Variants in RAPGEF1 observed in about 807,000 individuals in gnomAD.
RAPGEF1 encodes CRK SH3-binding GNRP.
RAPGEF1 carries 33 observed loss-of-function variants against 143.3 expected under a neutral mutation model. The observed-to-expected ratio is 0.23, with a 90% CI of 0.17 to 0.31. The LOEUF (loss-of-function observed/expected upper bound fraction) is 0.31, where lower values mean the gene tolerates loss of function less well. Among genes scored for constraint, RAPGEF1 ranks in the 10% least tolerant of loss-of-function variants. The probability of loss-of-function intolerance (pLI) is 1.00; values close to 1 mark genes in which losing one functional copy is unlikely to be tolerated. For synonymous variants in RAPGEF1, 629 were observed against 676.5 expected, an observed-to-expected ratio of 0.93 and a Z score of 1.09; for missense variants, 1,199 against 1,645.4, an observed-to-expected ratio of 0.73 and a Z score of 4.69.
rs1832694569 is a variant in RAPGEF1 at position 131,679,093 on chromosome 9, C to G, written c.62-28144G>C. 2.0e-5 allele frequency among the ~76,000 whole-genome samples: 3 copies of G among 151,394 alleles called. No homozygotes were observed. The South Asian group carries it at 6.3e-4, about 32-fold the overall frequency. ...GTGGGGGGAAATGATGAGGAGAATC[C>G]TAGGACAAATATGGCCCTAGGGTGC... On this transcript the variant is annotated intron_variant, in intron 1 of 26. Coordinates refer to ENST00000683357, the MANE Select transcript of RAPGEF1 (RefSeq NM_001377935.1).
At chr9:131,604,823 G>T in intron 13 of RAPGEF1, 108 bp downstream of exon 13, 1 of 1,202,278 alleles carries the variant, frequency 8.3e-7, no homozygotes, top group Non-Finnish European at 1.1e-6. Context: ...TAGTAAAGGG[G>T]AGGCAGTGTC....
chr9:131,608,720 C>A (rs563845198), intron 12 of RAPGEF1, among the ~76,000 whole-genome samples: 1 of 152,306 alleles, frequency 6.6e-6, no homozygotes, highest in Non-Finnish European at 1.5e-5. Flanking sequence ...ACAGGGAAAA[C>A]CTTCTGATCA....
intron 5 of RAPGEF1, 119 bp from the exon 6 acceptor site, chr9:131,630,443 C>A: frequency 1.1e-6 from 1 of 909,878 alleles, no homozygotes. Flanking sequence ...CCTACAGATT[C>A]CCCACGCACC....
At chr9:131,592,241 A>G in intron 17 of RAPGEF1, 58 bp from the exon 18 acceptor site, 1 of 1,404,526 alleles carries the variant, frequency 7.1e-7, no homozygotes, top group Non-Finnish European at 1.0e-6. Context: ...GGGGGGTGGT[A>G]GCCAGGGTGG....
intron 12 of RAPGEF1, among the ~76,000 whole-genome samples, chr9:131,609,448 C>A (rs2132604696): frequency 6.6e-6 from 1 of 152,242 alleles, no homozygotes; most frequent in African/African-American, 2.4e-5. Context: ...CATGCAATCC[C>A]ACAGCTCTGC....
intron 1 of RAPGEF1, among the ~76,000 whole-genome samples, chr9:131,731,518 TC>T (rs1161756968): frequency 2.0e-5 from 3 of 152,194 alleles, no homozygotes; most frequent in Non-Finnish European, 2.9e-5. Flanking sequence ...ATGTCAGCTG[TC>T]CTCTCTTCTC....
intron 9 of RAPGEF1, 61 bp downstream of exon 9, chr9:131,627,852 C>A (rs891095408): frequency 6.6e-7 from 1 of 1,519,312 alleles, no homozygotes; most frequent in African/African-American, 1.4e-5. Flanking sequence ...CCACCCAGGA[C>A]TGTAATGGCC....
At chr9:131,596,510 C>T in intron 16 of RAPGEF1, 137 bp from the exon 17 acceptor site, 1 of 872,724 alleles carries the variant, frequency 1.1e-6, no homozygotes, top group Non-Finnish European at 1.8e-6. Flanking sequence ...CTCCTCGGCC[C>T]AGGAGCAGTG....
intron 1 of RAPGEF1, among the ~76,000 whole-genome samples, chr9:131,699,401 T>C (rs1329080230): frequency 4.6e-5 from 7 of 152,116 alleles, no homozygotes; most frequent in Non-Finnish European, 1.0e-4. Flanking sequence ...TGTGCCACCA[T>C]GCCTGGCTAA....
Position 131,628,049 on chromosome 9 carries a change from G to T in RAPGEF1, c.1065C>A (p.Ser355Arg). The change falls in exon 9 of 27, where the codon AGC (serine) becomes AGA (arginine). Residue 355 changes from serine (S) to arginine (R), a missense_variant. Coordinates refer to ENST00000683357, the MANE Select transcript of RAPGEF1 (RefSeq NM_001377935.1). The surrounding 1 kb of genome is among the most constrained non-coding windows in gnomAD (Gnocchi z 5.7). Reference sequence around the variant, plus strand: ...GGGGCGACTCTCCACCATATGAGTGGCTGCCTCCTGACAGTCGCCTCTGTG... The same window carrying T: ...GGGGCGACTCTCCACCATATGAGTGTCTGCCTCCTGACAGTCGCCTCTGTG... ...CYAQRRLSGGSHSYGGESPRL... is the reference protein window; with the variant it reads ...CYAQRRLSGGRHSYGGESPRL... 6.4e-7 allele frequency: 1 copy of T among 1,568,662 alleles called. No homozygotes were observed. The highest frequency in any genetic ancestry group is 8.6e-7 in the Non-Finnish European group (1 of 1,157,254).
At chr9:131,709,345 C>T (rs961836143) in intron 1 of RAPGEF1, among the ~76,000 whole-genome samples, 1 of 151,712 alleles carries the variant, frequency 6.6e-6, no homozygotes, top group Non-Finnish European at 1.5e-5. Context: ...GACTCCATTT[C>T]AAAAAAAATA....
intron 25 of RAPGEF1, 26 bp downstream of exon 25, chr9:131,582,578 TG>T: frequency 7.5e-6 from 11 of 1,463,562 alleles, no homozygotes; most frequent in Admixed American, 2.7e-5. Context: ...CAGGCGGGGC[TG>T]GGGGCCTGGA....
intron 26 of RAPGEF1, 100 bp downstream of exon 26, chr9:131,580,163 C>T: frequency 1.4e-6 from 2 of 1,476,128 alleles, no homozygotes; most frequent in Non-Finnish European, 9.2e-7. Flanking sequence ...GTCCCTGGGT[C>T]CTCTGTGGCT....
chr9:131,700,107 G>T (rs1834518510), intron 1 of RAPGEF1, among the ~76,000 whole-genome samples: 1 of 152,044 alleles, frequency 6.6e-6, no homozygotes, highest in South Asian at 2.1e-4. Context: ...CACTGGGGTC[G>T]TCCTAGACTA....
At chr9:131,586,525 AACACACACAC>A (rs57523580) in intron 22 of RAPGEF1, among the ~76,000 whole-genome samples, 1 of 5,898 alleles carries the variant, frequency 1.7e-4, no homozygotes. Context: ...GACTCCGTCA[AACACACACAC>A]ACACACACAC....
chr9:131,739,333 T>C (rs1837605046), intron 1 of RAPGEF1, among the ~76,000 whole-genome samples: 1 of 152,246 alleles, frequency 6.6e-6, no homozygotes, highest in Non-Finnish European at 1.5e-5. Flanking sequence ...CGCTTCTCGT[T>C]AAACTCGAAG....
chr9:131,660,454 A>T (rs962739028), intron 1 of RAPGEF1, among the ~76,000 whole-genome samples: 4 of 104,816 alleles, frequency 3.8e-5, no homozygotes, highest in African/African-American at 1.1e-4. Flanking sequence ...TTTTTTTTTT[A>T]AACAACAAGC....
intron 1 of RAPGEF1, among the ~76,000 whole-genome samples, chr9:131,687,878 T>A (rs150146484): frequency 7.7e-4 from 118 of 152,346 alleles, no homozygotes; most frequent in Middle Eastern, 3.4e-3. Flanking sequence ...CACCATCACA[T>A]GGGTCTCAAT....
intron 1 of RAPGEF1, chr9:131,737,583 T>A: frequency 6.5e-7 from 1 of 1,527,156 alleles, no homozygotes; most frequent in Non-Finnish European, 8.8e-7. Context: ...CAGGTCTTTC[T>A]CCCAAATAGC....
Sources: allele counts gnomAD v4.1 joint callset (sites outside exome capture counted in the v4.1 genomes callset), GRCh38; gene constraint gnomAD v4.1.1; non-coding constraint Gnocchi (gnomAD v3.1); transcripts MANE v1.5; gene names NCBI Gene and HGNC (gene_info 2026-07-23, HGNC 2026-07-21).